The following AURKB variants were observed in gnomAD, a reference collection of about 807,000 sequenced individuals.
The protein encoded by AURKB is aurora kinase B-Sv1.
A neutral mutation model predicts 36.5 loss-of-function variants in AURKB; 28 were observed. The observed-to-expected ratio is 0.77, with a 90% confidence interval of 0.57 to 1.05. AURKB has a LOEUF of 1.05. Ranked by LOEUF, AURKB falls within the 50% of genes least tolerant of loss-of-function variation. AURKB has a pLI of 0.00. For synonymous variants in AURKB, 175 were observed against 172.9 expected (o/e 1.01, Z -0.09); for missense variants, 383 against 447.4 (o/e 0.86, Z 1.30).
rs1295657104 is a variant in AURKB, at chr17:8,208,379, C to T, written c.49-539G>A. On this transcript the variant is annotated intron_variant, in intron 2 of 8. Transcript: ENST00000585124. Reference sequence around the variant, plus strand: ...GGCACAGGTTGCAGTGAGCCGAGATCGTACCATTGCACTCCAGCCTGGGCA... The same window carrying T: ...GGCACAGGTTGCAGTGAGCCGAGATTGTACCATTGCACTCCAGCCTGGGCA... 4.0e-5 allele frequency among the ~76,000 whole-genome samples: 6 copies of T among 149,566 alleles called. No homozygotes were observed. In the East Asian group the frequency reaches 7.9e-4, roughly 20 times the overall value.
At chr17:8,208,212 G>A (rs1985621309) in intron 2 of AURKB, 1 of 170,304 alleles carries the variant, frequency 5.9e-6, no homozygotes, top group African/African-American at 2.4e-5. Context: ...GGATCACAAG[G>A]TCAGGAGTTT....
intron 2 of AURKB, chr17:8,209,859 A>C: frequency 2.5e-6 from 1 of 394,808 alleles, no homozygotes. Context: ...TTTTTTTTTC[A>C]GGATATGGAT....
Position 8,206,672 on chromosome 17 carries a change from G to A in AURKB, c.538-33C>T. On this transcript the variant is annotated intron_variant, in intron 6 of 8. Coordinates refer to ENST00000585124, the MANE Select transcript of AURKB (RefSeq NM_004217.4). The surrounding 1 kb of genome is among the most constrained non-coding windows in gnomAD (Gnocchi z 4.2). The stretch of plus-strand genomic sequence containing the variant: ...GGGCAACGACAGGCAATCAGACAAG[G>A]ATGGACCTCCAGCTACAAGCAGCAC... 2 of 1,613,910 alleles carry A rather than the reference G, an allele frequency of 1.2e-6. No individual in the cohort carries two copies. Among genetic ancestry groups the A allele is most frequent in the South Asian group, 2.2e-5 (2 of 91,084 alleles).
At chr17:8,205,581 C>G (rs537977030) in intron 7 of AURKB, among the ~76,000 whole-genome samples, 191 bp from the exon 8 acceptor site, 2 of 152,164 alleles carry the variant, frequency 1.3e-5, no homozygotes, top group African/African-American at 4.8e-5. Context: ...AGCCTGCACA[C>G]AGCCCAGCAA....
At chr17:8,205,849 G>C (rs758036972) in intron 7 of AURKB, among the ~76,000 whole-genome samples, 3 of 150,582 alleles carry the variant, frequency 2.0e-5, no homozygotes, top group Non-Finnish European at 4.4e-5. Context: ...CCGGGTTCAA[G>C]TGATTCTCAT....
intron 7 of AURKB, among the ~76,000 whole-genome samples, chr17:8,205,986 T>A (rs1597345803): frequency 1.3e-5 from 2 of 152,256 alleles, no homozygotes; most frequent in South Asian, 4.1e-4. Context: ...CTTGAACTCC[T>A]GGCCTCAAGT....
chr17:8,208,752 G>A (rs1985733060), intron 2 of AURKB, among the ~76,000 whole-genome samples: 1 of 152,070 alleles, frequency 6.6e-6, no homozygotes, highest in South Asian at 2.1e-4. Flanking sequence ...ACCTGTATAA[G>A]TCCTGTCCAT....
chr17:8,205,123 G>A, intron 8 of AURKB, 79 bp from the exon 9 acceptor site: 1 of 1,540,962 alleles, frequency 6.5e-7, no homozygotes, highest in Non-Finnish European at 8.8e-7. Flanking sequence ...TCTGTTTGGA[G>A]TTACTTAGGG....
intron 7 of AURKB, among the ~76,000 whole-genome samples, chr17:8,205,845 T>G (rs1985191034): frequency 6.6e-6 from 1 of 151,978 alleles, no homozygotes; most frequent in East Asian, 1.9e-4. Context: ...CCTCCCGGGT[T>G]CAAGTGATTC....
chr17:8,205,519 C>T (rs1191882609), intron 7 of AURKB, 129 bp from the exon 8 acceptor site: 2 of 1,181,340 alleles, frequency 1.7e-6, no homozygotes, highest in African/African-American at 3.1e-5. Flanking sequence ...GGCAAGGCCA[C>T]TGGAGTGGGG....
At chr17:8,205,421 C>T (rs1441945470) in intron 7 of AURKB, 31 bp from the exon 8 acceptor site, 1 of 1,608,126 alleles carries the variant, frequency 6.2e-7, no homozygotes, top group African/African-American at 1.3e-5. Context: ...GGGCAGGGGT[C>T]CTAGTGACAT....
intron 7 of AURKB, among the ~76,000 whole-genome samples, 153 bp from the exon 8 acceptor site, chr17:8,205,543 G>A (rs1048769155): frequency 6.6e-6 from 1 of 152,104 alleles, no homozygotes; most frequent in South Asian, 2.1e-4. Context: ...GGGTTGGGGT[G>A]ATGATATATC....
Position 8,210,164 on chromosome 17 carries a change from G to GGCGCAGGGCGCAGGTCATGGGGGC in AURKB, c.48+12_48+13insGCCCCCATGACCTGCGCCCTGCGC. Reference sequence around the variant, plus strand: ...GGGTCATGGGGGCGCAGGGACGGAGGGAAGGGCCTTACCGTCTGTCGGCCG... The same window carrying GGCGCAGGGCGCAGGTCATGGGGGC: ...GGGTCATGGGGGCGCAGGGACGGAGGGCGCAGGGCGCAGGTCATGGGGGCGAAGGGCCTTACCGTCTGTCGGCCG... On this transcript the variant is annotated intron_variant, in intron 2 of 8. Coordinates refer to ENST00000585124, the MANE Select transcript of AURKB (RefSeq NM_004217.4). 1.2e-6 allele frequency: 2 copies of GGCGCAGGGCGCAGGTCATGGGGGC among 1,612,982 alleles called. No individual in the cohort carries two copies. Among genetic ancestry groups the GGCGCAGGGCGCAGGTCATGGGGGC allele is most frequent in the Non-Finnish European group, 1.7e-6 (2 of 1,179,780 alleles).
chr17:8,206,714 C>T lies in AURKB; in HGVS notation c.537+36G>A. 1.9e-6 allele frequency: 3 copies of T among 1,612,612 alleles called. No individual in the cohort carries two copies. The highest frequency in any genetic ancestry group is 2.5e-6 in the Non-Finnish European group (3 of 1,178,980). On this transcript the variant is annotated intron_variant, in intron 6 of 8. Coordinates refer to ENST00000585124, the MANE Select transcript of AURKB (RefSeq NM_004217.4). This position sits in a 1 kb window ranked among gnomAD's most constrained non-coding sequence, Gnocchi z 4.2. ...AAGCAGCACACCCTCAGCCTCGAGC[C>T]CCCTACTGGCGCCCCAGGTGCCCAC...
In AURKB at chr17:8,206,864, G is replaced by A. The variant is rs1254045808; in HGVS notation, c.423C>T (p.Tyr141=). 3 of 1,614,250 alleles carry A rather than the reference G, an allele frequency of 1.9e-6. No individual in the cohort carries two copies. The highest frequency in any genetic ancestry group is 2.5e-6 in the Non-Finnish European group (3 of 1,180,050). ...TCCTCCTCCGGTCATAAAAATAGTT[G>A]TAGAGACGCAGGATGTTGGGATGGC... ...HLHHPNILRL[Y]NYFYDRRRIY... Residue 141 remains tyrosine (Y), a synonymous_variant, in exon 6 of 9, where the codon TAC becomes TAT. Coordinates refer to ENST00000585124, the MANE Select transcript of AURKB (RefSeq NM_004217.4). This position sits in a 1 kb window ranked among gnomAD's most constrained non-coding sequence, Gnocchi z 4.2.
At chr17:8,207,021 G>A (rs1286458997) in intron 5 of AURKB, 133 bp from the exon 6 acceptor site, 2 of 1,476,438 alleles carry the variant, frequency 1.4e-6, no homozygotes, top group African/African-American at 2.8e-5. Context: ...GAAACTGGAG[G>A]CAGATTTCTG....
Position 8,206,798 on chromosome 17 carries a change from G to A in AURKB, c.489C>T (p.Tyr163=), listed in dbSNP as rs1231105415. The part of the protein sequence containing the change: ...ILEYAPRGEL[Y]KELQKSCTFD... ...ATGTGCAGCTCTTCTGCAGCTCCTTGTAGAGCTCCCCGCGGGGGGCATACT... is the reference window on the plus strand; with the variant it reads ...ATGTGCAGCTCTTCTGCAGCTCCTTATAGAGCTCCCCGCGGGGGGCATACT... The change falls in exon 6 of 9, where the codon TAC becomes TAT. Residue 163 remains tyrosine, a synonymous_variant. Coordinates refer to ENST00000585124, the MANE Select transcript of AURKB (RefSeq NM_004217.4). The surrounding 1 kb of genome is among the most constrained non-coding windows in gnomAD (Gnocchi z 4.2). 6.2e-7 allele frequency: 1 copy of A among 1,614,196 alleles called. No individual in the cohort carries two copies. The highest frequency in any genetic ancestry group is 1.7e-5 in the Admixed American group (1 of 60,028).
Position 8,210,548 on chromosome 17 carries a change from C to T in AURKB, c.-44G>A, listed in dbSNP as rs1567579668. On this transcript the variant is annotated 5_prime_UTR_variant, in exon 1 of 9. Transcript: ENST00000585124. ...AGCTCACCTGGGGTCCAAGGCACTG[C>T]TACTCTCCCGGCCGCCCGCAAACAA... 1.2e-5 allele frequency: 5 copies of T among 409,486 alleles called. No individual in the cohort carries two copies. The Admixed American group carries it at 1.8e-4, about 15-fold the overall frequency. The allele number at this position is 409,486 out of a possible 1,614,324, so 25.4% of individuals were successfully genotyped here.
In AURKB at chr17:8,207,252, G is replaced by A. The variant is rs937138967; in HGVS notation, c.322C>T (p.Leu108Phe). Residue 108 changes from leucine to phenylalanine, a missense_variant, in exon 5 of 9, where the codon CTC becomes TTC. By Grantham distance (22) the Leu-to-Phe change is conservative (BLOSUM62 0). This residue lies in a region of AURKB where 59 missense variants were observed against 99.0 expected (regional missense o/e 0.60). Coordinates refer to ENST00000585124, the MANE Select transcript of AURKB (RefSeq NM_004217.4). ...TCCTTCTCTATCTGGGACTTGAAGA[G>A]GACCTTGAGCGCCACGATGAAATGG... ...KSHFIVALKV[L>F]FKSQIEKEGV... 4 of 1,614,176 alleles carry A rather than the reference G, an allele frequency of 2.5e-6. No homozygotes were observed. Among genetic ancestry groups the A allele is most frequent in the Non-Finnish European group, 3.4e-6 (4 of 1,180,024 alleles).
Sources: gnomAD v4.1 joint callset for allele counts (sites outside exome capture counted in the v4.1 genomes callset) on GRCh38, gnomAD v4.1.1 for gene constraint, gnomAD v4.1.1 regional missense constraint, Gnocchi (gnomAD v3.1) non-coding constraint, MANE v1.5 for transcripts, NCBI Gene and HGNC (gene_info 2026-07-23, HGNC 2026-07-21) for gene names.